EYA4: variants seen among roughly 807,000 people sequenced by gnomAD.
EYA4 encodes protein phosphatase EYA4.
EYA4 carries 31 observed loss-of-function variants against 87.9 expected under a neutral mutation model. That is an observed-to-expected ratio of 0.35 (90% CI 0.27 to 0.48). The LOEUF (loss-of-function observed/expected upper bound fraction) is 0.48. Among genes scored for constraint, EYA4 ranks in the 20% least tolerant of loss-of-function variants. The pLI, the probability that EYA4 is intolerant of heterozygous loss-of-function variation, is 0.99. For synonymous variants in EYA4, 263 were observed against 270.6 expected, an observed-to-expected ratio of 0.97 and a Z score of 0.28; for missense variants, 678 against 761.4, an observed-to-expected ratio of 0.89 and a Z score of 1.29.
Position 133,334,497 on chromosome 6 carries a change from A to G in EYA4, c.34-47895A>G, listed in dbSNP as rs556717847. 5.3e-5 allele frequency among the ~76,000 whole-genome samples: 8 copies of G among 152,192 alleles called. No homozygotes were observed. In the South Asian group the frequency reaches 6.2e-4, roughly 12 times the overall value. ...TTCTTGAGGGATATCTGGAAATTGTATTAGTAATTGTGATTAGCAGGCTCT... is the reference window on the plus strand; with the variant it reads ...TTCTTGAGGGATATCTGGAAATTGTGTTAGTAATTGTGATTAGCAGGCTCT... On this transcript the variant is annotated intron_variant, in intron 2 of 19. Transcript: ENST00000355286.
intron 13 of EYA4, among the ~76,000 whole-genome samples, chr6:133,493,257 C>T (rs1332283700): frequency 2.6e-5 from 4 of 151,960 alleles, no homozygotes; most frequent in African/African-American, 4.8e-5. Context: ...ACATATAAAG[C>T]AATGAAAAGA....
chr6:133,465,508 A>G (rs762181313), intron 10 of EYA4, among the ~76,000 whole-genome samples: 1 of 152,134 alleles, frequency 6.6e-6, no homozygotes, highest in Non-Finnish European at 1.5e-5. Flanking sequence ...AAAATCTAGC[A>G]TGTTAGAATT....
chr6:133,455,345 A>C (rs1211129866), intron 5 of EYA4, among the ~76,000 whole-genome samples: 1 of 152,144 alleles, frequency 6.6e-6, no homozygotes, highest in Non-Finnish European at 1.5e-5. Flanking sequence ...TAAGAAAAGT[A>C]ATCCAAGTTT....
chr6:133,382,433 G>A lies in EYA4; in HGVS notation c.75G>A (p.Gln25=), dbSNP rs765403139. ...TCTESDVSQS[Q]NSRSMEMQDL... ...CAGAATCAGATGTTTCACAATCTCA[G>A]AATTCCAGGTACAGTAAAATAAAGA... The change falls in exon 3 of 20, where the codon CAG becomes CAA. Residue 25 remains glutamine, a synonymous_variant. Coordinates refer to ENST00000355286, the MANE Select transcript of EYA4 (RefSeq NM_004100.5). 3 of 1,609,960 alleles carry A rather than the reference G, an allele frequency of 1.9e-6. No individual in the cohort carries two copies.
intron 10 of EYA4, among the ~76,000 whole-genome samples, chr6:133,467,446 C>A (rs532241981): frequency 6.6e-6 from 1 of 152,136 alleles, no homozygotes; most frequent in South Asian, 2.1e-4. Context: ...AGAGTAAGCA[C>A]TATGTAAACA....
chr6:133,388,535 C>T (rs1263951980), intron 3 of EYA4, among the ~76,000 whole-genome samples: 1 of 152,048 alleles, frequency 6.6e-6, no homozygotes, highest in Non-Finnish European at 1.5e-5. Flanking sequence ...GCCAGTGTAG[C>T]TGAGTGTTAT....
chr6:133,505,011 G>A (rs1230909965), intron 13 of EYA4, among the ~76,000 whole-genome samples: 1 of 152,116 alleles, frequency 6.6e-6, no homozygotes, highest in Non-Finnish European at 1.5e-5. Flanking sequence ...AAAACCAATA[G>A]TATCCTTCTA....
intron 13 of EYA4, among the ~76,000 whole-genome samples, chr6:133,504,657 C>A (rs1798435949): frequency 1.3e-5 from 2 of 152,118 alleles, no homozygotes; most frequent in African/African-American, 4.8e-5. Context: ...TATGTTTACA[C>A]TTTAGGGCTT....
intron 5 of EYA4, among the ~76,000 whole-genome samples, chr6:133,454,456 T>A (rs1308471881): frequency 6.6e-6 from 1 of 152,196 alleles, no homozygotes; most frequent in Non-Finnish European, 1.5e-5. Context: ...GTTTAAGAGT[T>A]TGGATTCTGA....
chr6:133,325,277 T>C (rs182927661), intron 2 of EYA4: 1 of 152,256 alleles, frequency 6.6e-6, no homozygotes, highest in East Asian at 1.9e-4. Context: ...GAAGTGTCCA[T>C]TGTGGCAGCC....
At position 133,284,824 on chromosome 6, in the gene EYA4, G is replaced by A. The variant is rs145555820; in HGVS notation, c.33+10011G>A. 3.2e-3 allele frequency among the ~76,000 whole-genome samples: 486 copies of A among 152,158 alleles called. 4 individuals carry two copies. Among genetic ancestry groups the A allele is most frequent in the African/African-American group, 0.011 (468 of 41,528 alleles). ...GTGGACAAAATGGACGCATATTACT[G>A]TTCTTGTGGAACTTATATTCTTGTG... On this transcript the variant is annotated intron_variant, in intron 2 of 19. Transcript: ENST00000355286.
intron 2 of EYA4, among the ~76,000 whole-genome samples, chr6:133,329,193 T>C (rs1017422845): frequency 2.6e-5 from 4 of 152,140 alleles, no homozygotes; most frequent in African/African-American, 7.2e-5. Flanking sequence ...ATCCAAACTT[T>C]TTAAAGTTGT....
At chr6:133,428,050 G>C (rs925593545) in intron 3 of EYA4, among the ~76,000 whole-genome samples, 10 of 152,152 alleles carry the variant, frequency 6.6e-5, no homozygotes, top group Non-Finnish European at 1.5e-4. Flanking sequence ...CCAGTGTTCT[G>C]ATTTGAGAGA....
intron 1 of EYA4, among the ~76,000 whole-genome samples, chr6:133,267,841 G>A (rs908807068): frequency 1.6e-4 from 25 of 152,074 alleles, no homozygotes; most frequent in Non-Finnish European, 2.8e-4. Flanking sequence ...TTGGGGAAAG[G>A]TTACTTCTTA....
At chr6:133,342,581 A>ATATATG (rs1554230241) in intron 2 of EYA4, among the ~76,000 whole-genome samples, 1 of 58,552 alleles carries the variant, frequency 1.7e-5, no homozygotes, top group Non-Finnish European at 3.0e-5. Context: ...TGCCATATAT[A>ATATATG]TATATATATA....
chr6:133,315,993 G>A (rs1780591313), intron 2 of EYA4, among the ~76,000 whole-genome samples: 1 of 152,130 alleles, frequency 6.6e-6, no homozygotes, highest in Non-Finnish European at 1.5e-5. Context: ...ACACTAGGCA[G>A]CATGTACTCC....
chr6:133,256,273 T>C (rs1775330334), intron 1 of EYA4, among the ~76,000 whole-genome samples: 1 of 151,666 alleles, frequency 6.6e-6, no homozygotes, highest in African/African-American at 2.4e-5. Flanking sequence ...ATGCATATTA[T>C]ATTTACTTAT....
At chr6:133,280,875 G>A (rs188275377) in intron 2 of EYA4, among the ~76,000 whole-genome samples, 25 of 152,144 alleles carry the variant, frequency 1.6e-4, no homozygotes, top group African/African-American at 4.6e-4. Context: ...CCATTCCCCC[G>A]ATGAGCACCC....
chr6:133,445,658 A>C (rs1194997465), intron 3 of EYA4, among the ~76,000 whole-genome samples: 1 of 150,928 alleles, frequency 6.6e-6, no homozygotes, highest in Non-Finnish European at 1.5e-5. Context: ...CACTCACTGC[A>C]AGCTCCGCAT....
Sources: gnomAD v4.1 joint callset for allele counts (sites outside exome capture counted in the v4.1 genomes callset) on GRCh38, gnomAD v4.1.1 for gene constraint, MANE v1.5 for transcripts, NCBI Gene and HGNC (gene_info 2026-07-23, HGNC 2026-07-21) for gene names.